PRKCB: variants seen among roughly 807,000 people sequenced by gnomAD.
PRKCB encodes the protein protein kinase C beta type.
PRKCB carries 13 observed loss-of-function variants against 81.5 expected under a neutral mutation model. That is an observed-to-expected ratio of 0.16 (90% confidence interval 0.10 to 0.25). The LOEUF (loss-of-function observed/expected upper bound fraction) is 0.25. Ranked by LOEUF, PRKCB falls within the 10% of genes least tolerant of loss-of-function variation. The pLI is 1.00. For synonymous variants in PRKCB, 335 were observed against 321.4 expected, an observed-to-expected ratio of 1.04 and a Z score of -0.45; for missense variants, 509 against 875.7, an observed-to-expected ratio of 0.58 and a Z score of 5.29.
At chr16:24,015,297 T>C (rs904756025) in intron 3 of PRKCB, among the ~76,000 whole-genome samples, 4 of 152,228 alleles carry the variant, frequency 2.6e-5, no homozygotes, top group Non-Finnish European at 5.9e-5. Flanking sequence ...TCAAGGCTTA[T>C]ATAACTCAAG....
chr16:23,870,006 A>G (rs1361961753), intron 2 of PRKCB, among the ~76,000 whole-genome samples: 2 of 148,386 alleles, frequency 1.3e-5, no homozygotes, highest in African/African-American at 5.0e-5. Flanking sequence ...TGGGCGACAG[A>G]GTGAGACTCC....
rs999213220 is a variant in PRKCB at position 24,217,435 on chromosome 16, C to T, written c.*2619C>T. Reference sequence around the variant, plus strand: ...CCTTCTTGGGGGATTAATGGGAGGTCAGTAGAATTAATAACCCTCCTTGGA... The same window carrying T: ...CCTTCTTGGGGGATTAATGGGAGGTTAGTAGAATTAATAACCCTCCTTGGA... On this transcript the variant is annotated 3_prime_UTR_variant, in exon 17 of 17. Transcript: ENST00000643927. 11 of 985,260 alleles carry T rather than the reference C, an allele frequency of 1.1e-5. No individual in the cohort carries two copies. In the African/African-American group the frequency reaches 1.7e-4, roughly 16 times the overall value. The allele number at this position is 985,260 out of a possible 1,614,324, so 61.0% of individuals were successfully genotyped here.
At chr16:24,096,098 C>A (rs1434562984) in intron 7 of PRKCB, among the ~76,000 whole-genome samples, 2 of 152,030 alleles carry the variant, frequency 1.3e-5, no homozygotes, top group Non-Finnish European at 2.9e-5. Flanking sequence ...GAGATCGAGA[C>A]CATCCTGGCC....
intron 2 of PRKCB, among the ~76,000 whole-genome samples, chr16:23,878,381 C>A (rs916253489): frequency 1.3e-5 from 2 of 152,144 alleles, no homozygotes; most frequent in African/African-American, 4.8e-5. Flanking sequence ...CCAACTCGTG[C>A]CTGATCAAAG....
chr16:24,137,022 C>T (rs1399354880), intron 9 of PRKCB, among the ~76,000 whole-genome samples: 1 of 150,458 alleles, frequency 6.6e-6, no homozygotes, highest in East Asian at 2.0e-4. Context: ...GGATTATATG[C>T]GCATGCCACC....
chr16:23,911,960 T>C (rs1963664058), intron 2 of PRKCB, among the ~76,000 whole-genome samples: 1 of 150,986 alleles, frequency 6.6e-6, no homozygotes, highest in Non-Finnish European at 1.5e-5. Flanking sequence ...GCCTCCCGAG[T>C]AGCTGGGATT....
rs1965397760 is a variant in PRKCB, at chr16:24,021,342, CCTTCCTTCCTT to C, written c.289-10792_289-10782del. ...TCCTTCCTTCCTTCCTTCCTTCCTT[CCTTCCTTCCTT>C]CCTCCTTCCCTCCCTCCCTCCCCCC... is the stretch of plus-strand genomic sequence containing the variant. On this transcript the variant is annotated intron_variant, in intron 3 of 16. Coordinates refer to ENST00000643927, the MANE Select transcript of PRKCB (RefSeq NM_002738.7). Among the ~76,000 whole-genome samples the C allele has an allele frequency of 7.2e-4, 52 of 71,946 alleles. 3 individuals are homozygous for C. Among genetic ancestry groups the C allele is most frequent in the Non-Finnish European group, 1.1e-3 (45 of 39,740 alleles). 47.2% of individuals were successfully genotyped at this position (71,946 alleles called of 152,430 possible).
intron 8 of PRKCB, among the ~76,000 whole-genome samples, chr16:24,114,633 T>C (rs1966715731): frequency 6.6e-6 from 1 of 152,052 alleles, no homozygotes. Context: ...GGAAGATAGG[T>C]TTGAATACTT....
chr16:23,903,127 A>T (rs1005879), intron 2 of PRKCB, among the ~76,000 whole-genome samples: 1 of 151,490 alleles, frequency 6.6e-6, no homozygotes, highest in Admixed American at 6.6e-5. Context: ...TGCCACGCCC[A>T]GCCTACTTAT....
intron 10 of PRKCB, among the ~76,000 whole-genome samples, chr16:24,165,933 C>A (rs1248550824): frequency 7.5e-6 from 1 of 133,736 alleles, no homozygotes; most frequent in Admixed American, 8.4e-5. Flanking sequence ...CTTCCCCAGG[C>A]TGGAGTGCAG....
intron 2 of PRKCB, among the ~76,000 whole-genome samples, chr16:23,960,822 G>A (rs1964415635): frequency 6.6e-6 from 1 of 152,202 alleles, no homozygotes; most frequent in African/African-American, 2.4e-5. Flanking sequence ...GAAGCTGTTT[G>A]TACTTTAATC....
At chr16:23,840,358 A>G (rs971992516) in intron 2 of PRKCB, among the ~76,000 whole-genome samples, 1 of 152,110 alleles carries the variant, frequency 6.6e-6, no homozygotes, top group Non-Finnish European at 1.5e-5. Flanking sequence ...AGTGACAATT[A>G]TCTCATGGTC....
chr16:24,036,742 G>T (rs1371534791), intron 5 of PRKCB, among the ~76,000 whole-genome samples: 1 of 152,184 alleles, frequency 6.6e-6, no homozygotes, highest in African/African-American at 2.4e-5. Flanking sequence ...CTCCCAGTGT[G>T]ATGCTTGGGG....
At chr16:24,169,857 A>G (rs954615570) in intron 10 of PRKCB, among the ~76,000 whole-genome samples, 1 of 151,782 alleles carries the variant, frequency 6.6e-6, no homozygotes, top group East Asian at 1.9e-4. Context: ...GCTCACTGCA[A>G]CCTCCACCTC....
At chr16:24,204,125 G>A (rs901774533) in intron 16 of PRKCB, among the ~76,000 whole-genome samples, 3 of 152,010 alleles carry the variant, frequency 2.0e-5, no homozygotes, top group African/African-American at 7.2e-5. Context: ...TCAGCCCTCA[G>A]CAGTAACCAC....
intron 4 of PRKCB, among the ~76,000 whole-genome samples, chr16:24,035,088 T>C (rs1965596507): frequency 6.6e-6 from 1 of 152,186 alleles, no homozygotes; most frequent in African/African-American, 2.4e-5. Flanking sequence ...TCCTCACTCA[T>C]GTGACCAGCC....
At chr16:24,020,103 C>T (rs962315990) in intron 3 of PRKCB, among the ~76,000 whole-genome samples, 1 of 152,260 alleles carries the variant, frequency 6.6e-6, no homozygotes, top group Admixed American at 6.5e-5. Context: ...CCAATTGGCC[C>T]ACCCACCAGG....
chr16:23,976,942 G>T (rs1026445580), intron 2 of PRKCB, among the ~76,000 whole-genome samples: 4 of 152,166 alleles, frequency 2.6e-5, no homozygotes, highest in Admixed American at 2.0e-4. Context: ...TTTTCCTCAT[G>T]TTGGCTCAAC....
intron 2 of PRKCB, among the ~76,000 whole-genome samples, chr16:23,932,192 T>C (rs766142926): frequency 6.6e-6 from 1 of 152,168 alleles, no homozygotes; most frequent in Non-Finnish European, 1.5e-5. Flanking sequence ...TGGACCTCAT[T>C]TGGAAATAAA....
Sources: allele counts gnomAD v4.1 joint callset (sites outside exome capture counted in the v4.1 genomes callset), GRCh38; gene constraint gnomAD v4.1.1; transcripts MANE v1.5; gene names NCBI Gene and HGNC (gene_info 2026-07-23, HGNC 2026-07-21).